Variants in IPO5 observed in about 807,000 individuals in gnomAD.
IPO5 encodes the protein importin 5, also known as importin-5.
A neutral mutation model predicts 143.3 loss-of-function variants in IPO5; 18 were observed. The ratio of observed to expected loss-of-function variants is 0.13; its 90% CI spans 0.09 to 0.19. The LOEUF (loss-of-function observed/expected upper bound fraction) is 0.19. Ranked by LOEUF, IPO5 falls within the 10% of genes least tolerant of loss-of-function variation. The pLI is 1.00. For missense variants in IPO5, 1,013 were observed against 1,336.9 expected (o/e 0.76, Z 3.78); for synonymous variants, 477 against 465.7 (o/e 1.02, Z -0.31).
At chr13:98,018,426 T>G in intron 25 of IPO5, 59 bp from the exon 26 acceptor site, 1 of 1,223,584 alleles carries the variant, frequency 8.2e-7, no homozygotes, top group South Asian at 1.3e-5. Context: ...TAGTGAATAT[T>G]TCTTTACATT....
intron 25 of IPO5, 136 bp from the exon 26 acceptor site, chr13:98,018,349 T>G: frequency 3.1e-6 from 2 of 644,396 alleles, no homozygotes; most frequent in South Asian, 2.0e-5. Context: ...TCACAAGAAG[T>G]GGTTGTTACT....
chr13:97,996,274 C>T (rs1375679223), intron 11 of IPO5, among the ~76,000 whole-genome samples: 2 of 152,080 alleles, frequency 1.3e-5, no homozygotes, highest in African/African-American at 4.8e-5. Context: ...TGGTCTTGAA[C>T]TCCTGGGCTC....
intron 2 of IPO5, among the ~76,000 whole-genome samples, chr13:97,964,443 C>CTTTTTTTT (rs369952371): frequency 5.5e-5 from 6 of 108,214 alleles, no homozygotes; most frequent in Admixed American, 1.0e-4. Context: ...CCATTTCTTT[C>CTTTTTTTT]TTTTTTTTTT....
intron 3 of IPO5, among the ~76,000 whole-genome samples, chr13:97,974,273 C>T (rs1290978373): frequency 1.3e-5 from 2 of 151,882 alleles, no homozygotes; most frequent in Non-Finnish European, 2.9e-5. Flanking sequence ...TCACTGTTAA[C>T]CTAGTCATTT....
chr13:97,969,703 T>C lies in IPO5; in HGVS notation c.-112-20T>C. 1 of 1,042,096 alleles carries C rather than the reference T, an allele frequency of 9.6e-7. No homozygotes were observed. The highest frequency in any genetic ancestry group is 1.3e-5 in the South Asian group (1 of 78,244). 64.6% of individuals were successfully genotyped at this position (1,042,096 alleles called of 1,614,324 possible). ...TTAAGTACCATCTAATGGTCCACCA[T>C]TCTGTTTCTGTCAAATCAGCAGAGG... On this transcript the variant is annotated intron_variant, in intron 2 of 28. Transcript: ENST00000651721.
Position 98,008,182 on chromosome 13 carries a change from G to A in IPO5, c.1800+40G>A, listed in dbSNP as rs757411085. ...TGCATTTGCTTTGATCCGCTAATGA[G>A]TTGTGGACAGCACATGGTTCAATAT... On this transcript the variant is annotated intron_variant, in intron 18 of 28. Coordinates refer to ENST00000651721, the MANE Select transcript of IPO5 (RefSeq NM_002271.6). 4 of 1,153,280 alleles carry A rather than the reference G, an allele frequency of 3.5e-6. No homozygotes were observed. In the Admixed American group the frequency reaches 5.1e-5, roughly 15 times the overall value. The allele number at this position is 1,153,280 out of a possible 1,614,324, so 71.4% of individuals were successfully genotyped here.
At chr13:97,959,557 G>A (rs1009705026) in intron 2 of IPO5, among the ~76,000 whole-genome samples, 2 of 151,950 alleles carry the variant, frequency 1.3e-5, no homozygotes, top group African/African-American at 2.4e-5. Flanking sequence ...GTGAAACCCC[G>A]TCTCTACTAA....
In IPO5 at chr13:98,018,665, G is replaced by T. The variant is rs1333208680; in HGVS notation, c.2797G>T (p.Ala933Ser). 1.2e-6 allele frequency: 2 copies of T among 1,614,062 alleles called. No individual in the cohort carries two copies. Among genetic ancestry groups the T allele is most frequent in the African/African-American group, 1.3e-5 (1 of 74,922 alleles). ...AGCTGCATATGGCCTGGGAGTCATG[G>T]CACAGTACGGTGGAGATAATTATCG... ...QAAAYGLGVM[A>S]QYGGDNYRPF... The change falls in exon 26 of 29, where the codon GCA (alanine) becomes TCA (serine). Residue 933 changes from alanine (A) to serine (S), a missense_variant. By Grantham distance (99) the Ala-to-Ser change is moderately conservative. Coordinates refer to ENST00000651721, the MANE Select transcript of IPO5 (RefSeq NM_002271.6).
chr13:98,020,778 T>C (rs1890432848), intron 27 of IPO5, among the ~76,000 whole-genome samples: 1 of 152,210 alleles, frequency 6.6e-6, no homozygotes, highest in Non-Finnish European at 1.5e-5. Flanking sequence ...ATAAGGTATT[T>C]AGAGCATTCT....
At chr13:98,000,667 C>A (rs1888690961) in intron 13 of IPO5, 22 bp downstream of exon 13, 7 of 1,491,590 alleles carry the variant, frequency 4.7e-6, no homozygotes, top group Middle Eastern at 1.7e-4. Context: ...CCTTCAAATG[C>A]TAGAAGAGTG....
chr13:97,992,587 A>G lies in IPO5; in HGVS notation c.670-305A>G, dbSNP rs145808058. Among the ~76,000 whole-genome samples, 124 of 151,786 alleles carry G rather than the reference A, an allele frequency of 8.2e-4. 2 individuals are homozygous for G. The East Asian group carries it at 0.022, about 27-fold the overall frequency. On this transcript the variant is annotated intron_variant, in intron 9 of 28. Coordinates refer to ENST00000651721, the MANE Select transcript of IPO5 (RefSeq NM_002271.6). ...AAAAATAAAAGGACAAAGGAAAGGG[A>G]CTCCTGGTTATAAAAAAAAGTAATT...
intron 21 of IPO5, 109 bp from the exon 22 acceptor site, chr13:98,013,933 G>T: frequency 1.2e-6 from 1 of 825,248 alleles, no homozygotes; most frequent in Non-Finnish European, 1.9e-6. Context: ...ACAAGCTCTT[G>T]GGTATCTTAG....
At chr13:97,982,287 G>A in intron 4 of IPO5, 1 of 491,362 alleles carries the variant, frequency 2.0e-6, no homozygotes, top group Non-Finnish European at 3.6e-6. Flanking sequence ...AGAAACATTT[G>A]TTTAAGAGAT....
At chr13:98,009,487 C>T (rs971725782) in intron 18 of IPO5, among the ~76,000 whole-genome samples, 13 of 152,152 alleles carry the variant, frequency 8.5e-5, no homozygotes, top group Non-Finnish European at 1.6e-4. Context: ...AATAGGGATA[C>T]AGAGTCAGAT....
chr13:98,000,786 T>TA (rs1179465173), intron 13 of IPO5, 141 bp downstream of exon 13: 1 of 613,132 alleles, frequency 1.6e-6, no homozygotes, highest in Non-Finnish European at 2.9e-6. Flanking sequence ...ATTTTACCGA[T>TA]AAAATTGTCA....
chr13:98,005,283 T>G (rs1357985706), intron 16 of IPO5, among the ~76,000 whole-genome samples: 1 of 151,878 alleles, frequency 6.6e-6, no homozygotes, highest in Non-Finnish European at 1.5e-5. Context: ...CTGCAACCTC[T>G]GCCTCCCCAG....
intron 3 of IPO5, among the ~76,000 whole-genome samples, chr13:97,974,996 C>T (rs1324694358): frequency 6.6e-6 from 1 of 152,180 alleles, no homozygotes; most frequent in African/African-American, 2.4e-5. Flanking sequence ...GATTTAAAAT[C>T]ATTCACCAAA....
chr13:97,981,631 A>G (rs1886855310), intron 4 of IPO5, among the ~76,000 whole-genome samples: 1 of 152,238 alleles, frequency 6.6e-6, no homozygotes, highest in Non-Finnish European at 1.5e-5. Context: ...AAATTGCTAG[A>G]TAAGAATGGA....
chr13:97,967,851 T>C (rs1885481462), intron 2 of IPO5, among the ~76,000 whole-genome samples: 1 of 152,194 alleles, frequency 6.6e-6, no homozygotes, highest in Non-Finnish European at 1.5e-5. Flanking sequence ...CAGGATGGTC[T>C]TGATCTCCTG....
Sources: allele counts gnomAD v4.1 joint callset (sites outside exome capture counted in the v4.1 genomes callset), GRCh38; gene constraint gnomAD v4.1.1; transcripts MANE v1.5; gene names NCBI Gene and HGNC (gene_info 2026-07-23, HGNC 2026-07-21).